Variants in ZNF609 observed in about 807,000 individuals in gnomAD.
ZNF609 encodes the protein zinc finger protein 609.
Under a neutral mutation model 109.5 loss-of-function variants are expected in ZNF609, and 11 were observed. The observed-to-expected ratio is 0.10, with a 90% CI of 0.06 to 0.17. The LOEUF (loss-of-function observed/expected upper bound fraction) is 0.17. Among genes scored for constraint, ZNF609 ranks in the 10% least tolerant of loss-of-function variants. The probability of loss-of-function intolerance (pLI) is 1.00; values close to 1 mark genes in which losing one functional copy is unlikely to be tolerated. For missense variants in ZNF609, 1,559 were observed against 1,772.4 expected (o/e 0.88, Z 2.16); for synonymous variants, 646 against 662.0 (o/e 0.98, Z 0.37).
intron 3 of ZNF609, among the ~76,000 whole-genome samples, chr15:64,641,215 C>CTTTTTTTTTTTTTT (rs1437729494): frequency 5.5e-5 from 1 of 18,126 alleles, no homozygotes; most frequent in African/African-American, 1.5e-4. Context: ...TACACTTGTG[C>CTTTTTTTTTTTTTT]TTTCTTTTTT....
In ZNF609 at chr15:64,675,341, C is replaced by T. The variant is rs1896793047; in HGVS notation, c.2487C>T (p.Thr829=). 6.2e-7 allele frequency: 1 copy of T among 1,613,886 alleles called. No individual in the cohort carries two copies. Among genetic ancestry groups the T allele is most frequent in the South Asian group, 1.1e-5 (1 of 91,056 alleles). The change falls in exon 5 of 10, where the codon ACC becomes ACT. Residue 829 remains threonine (T), a synonymous_variant. Coordinates refer to ENST00000326648, the MANE Select transcript of ZNF609 (RefSeq NM_015042.2). ...TQPLTPLHVV[T]QNGAEASSVK... The stretch of plus-strand genomic sequence containing the variant: ...CCCTGACTCCCTTACATGTGGTGAC[C>T]CAGAATGGAGCTGAAGCCAGCTCAG...
intron 2 of ZNF609, among the ~76,000 whole-genome samples, chr15:64,519,990 C>G (rs949919096): frequency 6.6e-6 from 1 of 152,086 alleles, no homozygotes; most frequent in Admixed American, 6.6e-5. Context: ...AATGTTTGTT[C>G]TATTTTCCTT....
chr15:64,591,850 G>A (rs1292659284), intron 2 of ZNF609, among the ~76,000 whole-genome samples: 1 of 151,904 alleles, frequency 6.6e-6, no homozygotes, highest in African/African-American at 2.4e-5. Flanking sequence ...TAGCTGGGAC[G>A]ACCGGCACAC....
intron 3 of ZNF609, among the ~76,000 whole-genome samples, chr15:64,657,890 TC>T (rs767582072): frequency 6.6e-6 from 1 of 152,090 alleles, no homozygotes; most frequent in Non-Finnish European, 1.5e-5. Flanking sequence ...TAGCCCTTGA[TC>T]CCTCCTGGCT....
intron 3 of ZNF609, among the ~76,000 whole-genome samples, chr15:64,650,130 A>T (rs1038213142): frequency 1.3e-4 from 19 of 151,152 alleles, no homozygotes; most frequent in African/African-American, 4.6e-4. Context: ...AAAAAAAAAA[A>T]GTGTAGCCCA....
intron 3 of ZNF609, among the ~76,000 whole-genome samples, chr15:64,640,391 T>C (rs1896236644): frequency 6.6e-6 from 1 of 151,760 alleles, no homozygotes; most frequent in Non-Finnish European, 1.5e-5. Flanking sequence ...AATACACTTG[T>C]GCTTTCTTTT....
chr15:64,582,769 T>TTG (rs1895130898), intron 2 of ZNF609, among the ~76,000 whole-genome samples: 1 of 139,632 alleles, frequency 7.2e-6, no homozygotes, highest in Non-Finnish European at 1.5e-5. Flanking sequence ...TTTTTTTTTT[T>TTG]GAGACAGAGT....
chr15:64,549,785 C>T (rs935701818), intron 2 of ZNF609, among the ~76,000 whole-genome samples: 1 of 151,946 alleles, frequency 6.6e-6, no homozygotes, highest in Non-Finnish European at 1.5e-5. Context: ...CATTTTTGGG[C>T]TTAATTTAAT....
chr15:64,592,867 C>G (rs999757838), intron 2 of ZNF609: 1 of 601,020 alleles, frequency 1.7e-6, no homozygotes, highest in Non-Finnish European at 2.9e-6. Flanking sequence ...GAGCTGGGAT[C>G]GCGCCACTGC....
chr15:64,463,623 C>T (rs1033314850), intron 1 of ZNF609, among the ~76,000 whole-genome samples: 4 of 152,208 alleles, frequency 2.6e-5, no homozygotes, highest in Non-Finnish European at 5.9e-5. Flanking sequence ...ATTAGTCTGT[C>T]TATGGTGCCT....
Position 64,678,415 on chromosome 15 carries a change from T to A in ZNF609, c.3702T>A (p.Ser1234Arg), listed in dbSNP as rs201648232. Reference sequence around the variant, plus strand: ...CCTACATGCACGGCTATTCCTACAGTCAGTCCTACGACCCCAACCACCCCA... The same window carrying A: ...CCTACATGCACGGCTATTCCTACAGACAGTCCTACGACCCCAACCACCCCA... ...YIPYMHGYSY[S>R]QSYDPNHPSY... The change falls in exon 6 of 10, where the codon AGT becomes AGA. Residue 1234 changes from serine (S) to arginine (R), a missense_variant. Physicochemically the swap from Ser to Arg is moderately radical, Grantham distance 110. Coordinates refer to ENST00000326648, the MANE Select transcript of ZNF609 (RefSeq NM_015042.2). 6.2e-7 allele frequency: 1 copy of A among 1,612,474 alleles called. No homozygotes were observed. Among genetic ancestry groups the A allele is most frequent in the Non-Finnish European group, 8.5e-7 (1 of 1,179,080 alleles).
intron 2 of ZNF609, among the ~76,000 whole-genome samples, chr15:64,534,464 G>A (rs904134793): frequency 1.5e-4 from 23 of 152,100 alleles, no homozygotes; most frequent in African/African-American, 4.6e-4. Flanking sequence ...GTAGGCATGC[G>A]CCACCATGCC....
intron 3 of ZNF609, among the ~76,000 whole-genome samples, chr15:64,665,762 T>C (rs1896637017): frequency 6.6e-6 from 1 of 151,722 alleles, no homozygotes; most frequent in Non-Finnish European, 1.5e-5. Context: ...TAAAATTAGC[T>C]GGGCGTGGTG....
intron 1 of ZNF609, among the ~76,000 whole-genome samples, chr15:64,471,054 C>G (rs150704503): frequency 6.6e-6 from 1 of 152,200 alleles, no homozygotes; most frequent in African/African-American, 2.4e-5. Context: ...TCACTGTTTT[C>G]AGATTTGTAC....
At chr15:64,484,288 G>A (rs8029770) in intron 1 of ZNF609, among the ~76,000 whole-genome samples, 2,408 of 152,292 alleles carry the variant, frequency 0.016, 70 homozygotes, top group African/African-American at 0.055. Context: ...ATGAGCTTCA[G>A]TGTGGATAAG....
intron 2 of ZNF609, 58 bp from the exon 3 acceptor site, chr15:64,622,769 G>GTA: frequency 7.1e-7 from 1 of 1,415,594 alleles, no homozygotes; most frequent in Non-Finnish European, 1.0e-6. Context: ...TACAGAAAAG[G>GTA]TATTTCCTCT....
chr15:64,475,258 C>G (rs927209968), intron 1 of ZNF609, among the ~76,000 whole-genome samples: 2 of 151,652 alleles, frequency 1.3e-5, no homozygotes, highest in Admixed American at 6.6e-5. Flanking sequence ...TTCAACTTAG[C>G]AAAAAAATTT....
At chr15:64,661,384 A>T (rs541822650) in intron 3 of ZNF609, among the ~76,000 whole-genome samples, 2 of 152,304 alleles carry the variant, frequency 1.3e-5, no homozygotes, top group East Asian at 3.9e-4. Flanking sequence ...ACTTGAGAAC[A>T]GTGTCTGGCC....
At chr15:64,471,373 A>G (rs1003392238) in intron 1 of ZNF609, 1 of 151,790 alleles carries the variant, frequency 6.6e-6, no homozygotes, top group Non-Finnish European at 1.5e-5. Flanking sequence ...AAAAAAAAAA[A>G]AAATTCTATT....
Sources: allele counts gnomAD v4.1 joint callset (sites outside exome capture counted in the v4.1 genomes callset), GRCh38; gene constraint gnomAD v4.1.1; transcripts MANE v1.5; gene names NCBI Gene and HGNC (gene_info 2026-07-23, HGNC 2026-07-21).